Variants in ZNF660 observed in about 807,000 individuals in gnomAD.
ZNF660 encodes zinc finger protein 660.
Under a neutral mutation model 23.2 loss-of-function variants are expected in ZNF660, and 24 were observed. That is an observed-to-expected ratio of 1.04 (90% CI 0.75 to 1.46). The LOEUF is 1.46. ZNF660 is among the 40% of genes most tolerant of loss of function. The pLI is 0.00. For synonymous variants in ZNF660, 117 were observed against 131.4 expected (o/e 0.89, Z 0.75); for missense variants, 373 against 396.8 (o/e 0.94, Z 0.51).
At chr3:44,592,967 G>A (rs886669325) in intron 2 of ZNF660, among the ~76,000 whole-genome samples, 3 of 151,930 alleles carry the variant, frequency 2.0e-5, no homozygotes, top group African/African-American at 4.8e-5. Context: ...GCAGGAGAAC[G>A]GCGTGAACCT....
In ZNF660 at chr3:44,596,372, C is replaced by G. The variant is rs1337362627; in HGVS notation, c.*1183C>G. The G allele has an allele frequency of 6.6e-6, 1 of 152,114 alleles. No homozygotes were observed. Among genetic ancestry groups the G allele is most frequent in the Non-Finnish European group, 1.5e-5 (1 of 68,030 alleles). 9.4% of individuals were successfully genotyped at this position (152,114 alleles called of 1,614,324 possible). On this transcript the variant is annotated 3_prime_UTR_variant, in exon 3 of 3. Coordinates refer to ENST00000322734, the MANE Select transcript of ZNF660 (RefSeq NM_173658.4). ...TGCATGAAATATATGATAAGCCAGACACGTGGTAAATGATAAAATCTTAAG... is the reference window on the plus strand; with the variant it reads ...TGCATGAAATATATGATAAGCCAGAGACGTGGTAAATGATAAAATCTTAAG...
chr3:44,593,425 G>A (rs543518670), intron 2 of ZNF660, among the ~76,000 whole-genome samples: 41 of 152,218 alleles, frequency 2.7e-4, no homozygotes, highest in Non-Finnish European at 5.4e-4. Context: ...GGAGTTAGAT[G>A]GCTCTGAGCT....
Position 44,594,644 on chromosome 3 carries a change from T to G in ZNF660, c.451T>G (p.Ser151Ala). 2 of 1,612,454 alleles carry G rather than the reference T, an allele frequency of 1.2e-6. No individual in the cohort carries two copies. The highest frequency in any genetic ancestry group is 1.7e-6 in the Non-Finnish European group (2 of 1,179,530). Residue 151 changes from serine (S) to alanine (A), a missense_variant, in exon 3 of 3, where the codon TCA becomes GCA. Ser to Ala is a moderately conservative substitution (Grantham distance 99, BLOSUM62 1). Coordinates refer to ENST00000322734, the MANE Select transcript of ZNF660 (RefSeq NM_173658.4). ...KAFSRSSGLISHHRVHTGEKP... is the reference protein window; with the variant it reads ...KAFSRSSGLIAHHRVHTGEKP... Reference sequence around the variant, plus strand: ...CTTTAGTCGGAGTTCGGGCCTTATATCACATCACAGAGTTCACACCGGAGA... The same window carrying G: ...CTTTAGTCGGAGTTCGGGCCTTATAGCACATCACAGAGTTCACACCGGAGA...
chr3:44,595,198 T>C lies in ZNF660; in HGVS notation c.*9T>C. The C allele has an allele frequency of 6.5e-7, 1 of 1,549,842 alleles. No homozygotes were observed. The highest frequency in any genetic ancestry group is 8.7e-7 in the Non-Finnish European group (1 of 1,152,052). On this transcript the variant is annotated 3_prime_UTR_variant, in exon 3 of 3. Coordinates refer to ENST00000322734, the MANE Select transcript of ZNF660 (RefSeq NM_173658.4). ...AGAAAGAAACCTCATAAATAACAAA[T>C]ATTGTGGGTAGTAGGGCTGACTGCT...
intron 2 of ZNF660, among the ~76,000 whole-genome samples, chr3:44,593,729 A>G (rs1439831934): frequency 6.6e-6 from 1 of 150,616 alleles, no homozygotes; most frequent in East Asian, 1.9e-4. Context: ...AGATGGCTCC[A>G]ATTCAGGGAG....
intron 2 of ZNF660, among the ~76,000 whole-genome samples, chr3:44,590,633 C>T (rs1254971951): frequency 6.6e-6 from 1 of 152,030 alleles, no homozygotes; most frequent in East Asian, 1.9e-4. Flanking sequence ...CTGTGTTAGA[C>T]CCAGAACAGG....
chr3:44,595,125 A>G lies in ZNF660; in HGVS notation c.932A>G (p.Tyr311Cys), dbSNP rs564473842. ...PYKCSECGKA[Y>C]RYSSQLIQHQ... ...AAATGTAGTGAGTGTGGGAAAGCCT[A>G]TCGGTATAGTTCACAGCTTATTCAA... The change falls in exon 3 of 3, where the codon TAT becomes TGT. Residue 311 changes from tyrosine (Y) to cysteine (C), a missense_variant. Tyr to Cys is a radical substitution (Grantham distance 194, BLOSUM62 -2). Coordinates refer to ENST00000322734, the MANE Select transcript of ZNF660 (RefSeq NM_173658.4). 1.2e-6 allele frequency: 2 copies of G among 1,613,520 alleles called. No individual in the cohort carries two copies. Among genetic ancestry groups the G allele is most frequent in the South Asian group, 2.2e-5 (2 of 91,018 alleles).
Position 44,595,274 on chromosome 3 carries a change from A to T in ZNF660, c.*85A>T. Reference sequence around the variant, plus strand: ...TATCAACTTTAATTCTACTTCTAAGAATCATACTCTACTTCTAAGAAAATA... The same window carrying T: ...TATCAACTTTAATTCTACTTCTAAGTATCATACTCTACTTCTAAGAAAATA... On this transcript the variant is annotated 3_prime_UTR_variant, in exon 3 of 3. Coordinates refer to ENST00000322734, the MANE Select transcript of ZNF660 (RefSeq NM_173658.4). The T allele has an allele frequency of 7.1e-7, 1 of 1,399,832 alleles. No individual in the cohort carries two copies. Among genetic ancestry groups the T allele is most frequent in the Non-Finnish European group, 9.6e-7 (1 of 1,041,890 alleles). 86.7% of individuals were successfully genotyped at this position (1,399,832 alleles called of 1,614,324 possible).
At position 44,594,190 on chromosome 3, in the gene ZNF660, GA is replaced by G. The variant is rs764730573; in HGVS notation, c.1del. 2.5e-6 allele frequency: 4 copies of G among 1,613,020 alleles called. No homozygotes were observed. The South Asian group carries it at 4.4e-5, about 18-fold the overall frequency. On this transcript the variant is annotated 5_prime_UTR_variant, in exon 3 of 3. Coordinates refer to ENST00000322734, the MANE Select transcript of ZNF660 (RefSeq NM_173658.4). ...GGACACTGGTATGTTCCAAGCAGGA[GA>G]AAATGAGGAGAAAGACAAGAAATTT... is the stretch of plus-strand genomic sequence containing the variant.
Position 44,594,664 on chromosome 3 carries a change from C to G in ZNF660, c.471C>G (p.Thr157=). 2 of 1,612,478 alleles carry G rather than the reference C, an allele frequency of 1.2e-6. No individual in the cohort carries two copies. The highest frequency in any genetic ancestry group is 1.7e-6 in the Non-Finnish European group (2 of 1,179,552). ...SGLISHHRVH[T]GEKPYSCIEC... The stretch of plus-strand genomic sequence containing the variant: ...TTATATCACATCACAGAGTTCACAC[C>G]GGAGAGAAGCCCTATTCTTGTATTG... Residue 157 remains threonine, a synonymous_variant, in exon 3 of 3, where the codon ACC becomes ACG. Transcript: ENST00000322734.
At chr3:44,587,334 T>C (rs535638970) in intron 2 of ZNF660, 2 of 152,306 alleles carry the variant, frequency 1.3e-5, no homozygotes, top group South Asian at 4.1e-4. Context: ...GTCCTAGGAT[T>C]AGAACACTTA....
At chr3:44,592,787 C>T (rs1575404772) in intron 2 of ZNF660, among the ~76,000 whole-genome samples, 1 of 152,208 alleles carries the variant, frequency 6.6e-6, no homozygotes, top group Non-Finnish European at 1.5e-5. Flanking sequence ...GGCGCGGTGG[C>T]TAACGCCTGT....
In ZNF660 at chr3:44,594,947, G is replaced by A; in HGVS notation, c.754G>A (p.Gly252Arg). The A allele has an allele frequency of 6.2e-7, 1 of 1,614,062 alleles. No homozygotes were observed. The highest frequency in any genetic ancestry group is 8.5e-7 in the Non-Finnish European group (1 of 1,180,030). ...REKPYKCNEC[G>R]KAFTSNRNLV... ...GAAACCTTACAAATGTAATGAGTGT[G>A]GGAAGGCTTTTACTTCTAATCGAAA... The change falls in exon 3 of 3, where the codon GGG (glycine) becomes AGG (arginine). Residue 252 changes from glycine to arginine, a missense_variant. Physicochemically the swap from Gly to Arg is moderately radical, Grantham distance 125. Coordinates refer to ENST00000322734, the MANE Select transcript of ZNF660 (RefSeq NM_173658.4).
At chr3:44,589,597 A>G (rs1700346592) in intron 2 of ZNF660, among the ~76,000 whole-genome samples, 2 of 152,208 alleles carry the variant, frequency 1.3e-5, no homozygotes, top group Admixed American at 1.3e-4. Context: ...GTTAAGTGAG[A>G]AAAAGAAGGA....
intron 1 of ZNF660, 129 bp from the exon 2 acceptor site, chr3:44,585,976 A>G (rs1700215829): frequency 6.6e-6 from 1 of 152,102 alleles, no homozygotes; most frequent in Admixed American, 6.5e-5. Flanking sequence ...TCATCTTTAC[A>G]CTGGAAATGA....
Position 44,594,411 on chromosome 3 carries a change from C to T in ZNF660, c.218C>T (p.Thr73Met), listed in dbSNP as rs147042905. ...CTCACAGTACATGAGCGAATCCACA[C>T]GGGAGAGAAACCCTATAAGTGTAAG... ...ANLTVHERIH[T>M]GEKPYKCKEC... Residue 73 changes from threonine (T) to methionine (M), a missense_variant, in exon 3 of 3, where the codon ACG becomes ATG. Physicochemically the swap from Thr to Met is moderately conservative, Grantham distance 81. Transcript: ENST00000322734. 328 of 1,613,226 alleles carry T rather than the reference C, an allele frequency of 2.0e-4. No individual in the cohort carries two copies. In the East Asian group the frequency reaches 4.9e-3, roughly 24 times the overall value.
rs956429712 is a variant in ZNF660 at position 44,596,323 on chromosome 3, T to C, written c.*1134T>C. The C allele has an allele frequency of 2.6e-5, 4 of 152,094 alleles. No individual in the cohort carries two copies. Among genetic ancestry groups the C allele is most frequent in the Non-Finnish European group, 5.9e-5 (4 of 68,014 alleles). The allele number at this position is 152,094 out of a possible 1,614,324, so 9.4% of individuals were successfully genotyped here. On this transcript the variant is annotated 3_prime_UTR_variant, in exon 3 of 3. Transcript: ENST00000322734. ...AGGAACAATTACCTACCTTACAAGG[T>C]TGTTGTGAGGATTAAGTGAGTAATG...
In ZNF660 at chr3:44,598,179, C is replaced by T. The variant is rs1253653478; in HGVS notation, c.*2990C>T. Reference sequence around the variant, plus strand: ...TTTTTGAGATGGAATCTCGCACTGTCGCCCATGCTGGAGTGCAGTGGCGTG... The same window carrying T: ...TTTTTGAGATGGAATCTCGCACTGTTGCCCATGCTGGAGTGCAGTGGCGTG... On this transcript the variant is annotated 3_prime_UTR_variant, in exon 3 of 3. Coordinates refer to ENST00000322734, the MANE Select transcript of ZNF660 (RefSeq NM_173658.4). 2 of 145,220 alleles carry T rather than the reference C, an allele frequency of 1.4e-5. No homozygotes were observed. Among genetic ancestry groups the T allele is most frequent in the African/African-American group, 2.6e-5 (1 of 38,722 alleles). The allele number at this position is 145,220 out of a possible 1,614,324, so 9.0% of individuals were successfully genotyped here. A position where few individuals can be genotyped will look rare whatever the true frequency, so the allele number is the denominator to read the frequency against.
intron 2 of ZNF660, among the ~76,000 whole-genome samples, chr3:44,590,359 A>G (rs1312388980): frequency 6.6e-6 from 1 of 152,048 alleles, no homozygotes; most frequent in Non-Finnish European, 1.5e-5. Flanking sequence ...GTAGCTGGCC[A>G]TCTTCTTACT....
Sources: allele counts gnomAD v4.1 joint callset (sites outside exome capture counted in the v4.1 genomes callset), GRCh38; gene constraint gnomAD v4.1.1; transcripts MANE v1.5; gene names NCBI Gene and HGNC (gene_info 2026-07-23, HGNC 2026-07-21).